The following STX8 variants were observed in gnomAD, a reference collection of about 807,000 sequenced individuals.
STX8 encodes syntaxin 8.
Under a neutral mutation model 37.5 loss-of-function variants are expected in STX8, and 23 were observed. The ratio of observed to expected loss-of-function variants is 0.61; its 90% CI spans 0.44 to 0.87. STX8 has a LOEUF of 0.87. Ranked by LOEUF, STX8 falls within the 40% of genes least tolerant of loss-of-function variation. The pLI is 0.00. For missense variants in STX8, 313 were observed against 284.7 expected (o/e 1.10, Z -0.71); for synonymous variants, 115 against 99.1 (o/e 1.16, Z -0.95).
At chr17:9,501,375 A>G (rs1904603316) in intron 5 of STX8, among the ~76,000 whole-genome samples, 2 of 152,188 alleles carry the variant, frequency 1.3e-5, no homozygotes, top group African/African-American at 2.4e-5. Context: ...AAATAGACCA[A>G]TGGAAAAGAA....
intron 4 of STX8, among the ~76,000 whole-genome samples, chr17:9,510,059 G>C (rs560225569): frequency 6.6e-6 from 1 of 152,118 alleles, no homozygotes; most frequent in South Asian, 2.1e-4. Flanking sequence ...AATAATAAAG[G>C]GATCAATTCA....
At chr17:9,529,953 T>A (rs1235614034) in intron 4 of STX8, among the ~76,000 whole-genome samples, 1 of 152,050 alleles carries the variant, frequency 6.6e-6, no homozygotes, top group Non-Finnish European at 1.5e-5. Context: ...GAATAGCCAC[T>A]CTACTCCAGC....
chr17:9,514,793 A>C (rs1027543538), intron 4 of STX8, among the ~76,000 whole-genome samples: 1 of 152,178 alleles, frequency 6.6e-6, no homozygotes, highest in African/African-American at 2.4e-5. Flanking sequence ...TATCATCCAG[A>C]AACAATTGCT....
chr17:9,506,703 G>A (rs540354163), intron 4 of STX8, among the ~76,000 whole-genome samples: 1 of 152,064 alleles, frequency 6.6e-6, no homozygotes, highest in Non-Finnish European at 1.5e-5. Context: ...CTTATTACAG[G>A]AGGATCCCCC....
chr17:9,516,305 A>ATATATATATATC (rs1905156900), intron 4 of STX8, among the ~76,000 whole-genome samples: 1 of 78,518 alleles, frequency 1.3e-5, no homozygotes. Context: ...AGTCATATAT[A>ATATATATATATC]TATATATATA....
intron 7 of STX8, among the ~76,000 whole-genome samples, chr17:9,251,269 T>G (rs1460819041): frequency 6.6e-6 from 1 of 152,212 alleles, no homozygotes; most frequent in Non-Finnish European, 1.5e-5. Flanking sequence ...CCGCCCTGCC[T>G]CCTCTGGGTC....
At chr17:9,270,039 G>A (rs768626597) in intron 7 of STX8, among the ~76,000 whole-genome samples, 3 of 152,176 alleles carry the variant, frequency 2.0e-5, no homozygotes, top group Non-Finnish European at 2.9e-5. Flanking sequence ...TACCTTCCCC[G>A]ATGGCCCATA....
chr17:9,301,803 T>A (rs537417897), intron 7 of STX8, among the ~76,000 whole-genome samples: 1 of 152,316 alleles, frequency 6.6e-6, no homozygotes, highest in East Asian at 1.9e-4. Context: ...CTTTACTTTT[T>A]AAATAGAAAA....
intron 7 of STX8, among the ~76,000 whole-genome samples, chr17:9,274,387 G>A (rs1251262302): frequency 6.6e-6 from 1 of 151,998 alleles, no homozygotes; most frequent in Non-Finnish European, 1.5e-5. Context: ...TCTTCAGGCC[G>A]GGCGCGGTGG....
At chr17:9,420,921 G>A (rs182456262) in intron 6 of STX8, among the ~76,000 whole-genome samples, 1 of 152,036 alleles carries the variant, frequency 6.6e-6, no homozygotes, top group Admixed American at 6.6e-5. Flanking sequence ...AGTACATTAG[G>A]GGGTGGAAAT....
intron 6 of STX8, among the ~76,000 whole-genome samples, chr17:9,465,718 A>T (rs1422086367): frequency 6.6e-6 from 1 of 152,182 alleles, no homozygotes; most frequent in Admixed American, 6.5e-5. Flanking sequence ...CAACGACGAC[A>T]ACAATAGCTG....
intron 7 of STX8, among the ~76,000 whole-genome samples, chr17:9,261,884 A>G (rs1269392415): frequency 6.6e-6 from 1 of 152,204 alleles, no homozygotes; most frequent in Non-Finnish European, 1.5e-5. Flanking sequence ...GTCTTTGAAA[A>G]GACAGTCAGG....
At chr17:9,504,171 T>A (rs1214958892) in intron 5 of STX8, among the ~76,000 whole-genome samples, 1 of 152,218 alleles carries the variant, frequency 6.6e-6, no homozygotes, top group African/African-American at 2.4e-5. Flanking sequence ...ATTGAATATA[T>A]GTATGTGAAT....
rs958770209 is a variant in STX8, at chr17:9,289,064, G to A, written c.644-38419C>T. On this transcript the variant is annotated intron_variant, in intron 7 of 7. Coordinates refer to ENST00000306357, the MANE Select transcript of STX8 (RefSeq NM_004853.3). ...AAAATAGGATGTACAACAAGGTTCT[G>A]GAATCAGACAGGCACTGGACTTCTC... 2.0e-5 allele frequency among the ~76,000 whole-genome samples: 3 copies of A among 152,144 alleles called. 1 individual carries two copies. The South Asian group carries it at 6.2e-4, about 32-fold the overall frequency.
chr17:9,557,303 G>A, intron 3 of STX8, 131 bp downstream of exon 3: 2 of 651,514 alleles, frequency 3.1e-6, no homozygotes, highest in Middle Eastern at 2.5e-4. Flanking sequence ...CAAGATTACA[G>A]GCAATATTTT....
chr17:9,328,820 C>T (rs765555335), intron 7 of STX8, among the ~76,000 whole-genome samples: 3 of 151,900 alleles, frequency 2.0e-5, no homozygotes, highest in Non-Finnish European at 2.9e-5. Flanking sequence ...GAGGCTGAGA[C>T]GGGTGGATCA....
At chr17:9,567,880 T>C (rs534570820) in intron 2 of STX8, among the ~76,000 whole-genome samples, 2 of 152,176 alleles carry the variant, frequency 1.3e-5, no homozygotes, top group South Asian at 4.2e-4. Flanking sequence ...GAGATGGGGT[T>C]TCCCCATGTT....
chr17:9,467,688 A>G (rs1438292910), intron 6 of STX8, among the ~76,000 whole-genome samples: 3 of 152,184 alleles, frequency 2.0e-5, no homozygotes, highest in African/African-American at 7.2e-5. Flanking sequence ...TTTCCCCTGA[A>G]GAGGGCGTTG....
At chr17:9,541,268 G>A (rs1301994413) in intron 4 of STX8, among the ~76,000 whole-genome samples, 1 of 152,158 alleles carries the variant, frequency 6.6e-6, no homozygotes, top group Non-Finnish European at 1.5e-5. Context: ...TGGGCACGGA[G>A]GGAAGCAGAC....
Sources: allele counts gnomAD v4.1 joint callset (sites outside exome capture counted in the v4.1 genomes callset), GRCh38; gene constraint gnomAD v4.1.1; transcripts MANE v1.5; gene names NCBI Gene and HGNC (gene_info 2026-07-23, HGNC 2026-07-21).